CPQ: variants seen among roughly 807,000 people sequenced by gnomAD.
CPQ encodes carboxypeptidase Q.
CPQ carries 37 observed loss-of-function variants against 45.7 expected under a neutral mutation model. That is an observed-to-expected ratio of 0.81 (90% CI 0.62 to 1.07). The LOEUF is 1.07. Ranked by LOEUF, CPQ falls within the 50% of genes least tolerant of loss-of-function variation. CPQ has a pLI of 0.00. For missense variants in CPQ, 537 were observed against 572.9 expected (o/e 0.94, Z 0.64); for synonymous variants, 186 against 205.8 (o/e 0.90, Z 0.82).
At chr8:96,983,126 A>G (rs1467014386) in intron 5 of CPQ, among the ~76,000 whole-genome samples, 1 of 151,990 alleles carries the variant, frequency 6.6e-6, no homozygotes, top group East Asian at 1.9e-4. Flanking sequence ...ATTGTTTTAA[A>G]CTCACTCTAG....
At chr8:96,951,762 T>C (rs1484864827) in intron 4 of CPQ, among the ~76,000 whole-genome samples, 1 of 152,102 alleles carries the variant, frequency 6.6e-6, no homozygotes, top group Non-Finnish European at 1.5e-5. Flanking sequence ...TGGCAGTGCA[T>C]AGTACCCTAA....
intron 4 of CPQ, among the ~76,000 whole-genome samples, chr8:96,965,065 A>G (rs939688747): frequency 3.3e-5 from 5 of 152,280 alleles, no homozygotes; most frequent in African/African-American, 9.6e-5. Context: ...TAATTTCTAG[A>G]TTTATTTAAT....
chr8:97,001,125 T>A (rs1434583993), intron 5 of CPQ, among the ~76,000 whole-genome samples: 1 of 152,162 alleles, frequency 6.6e-6, no homozygotes, highest in Non-Finnish European at 1.5e-5. Flanking sequence ...CTTATCAGCT[T>A]AAGAAGCTTT....
intron 6 of CPQ, among the ~76,000 whole-genome samples, chr8:97,053,783 C>A (rs890135810): frequency 3.3e-5 from 5 of 152,056 alleles, no homozygotes; most frequent in Admixed American, 6.5e-5. Context: ...AAAGGGGAAC[C>A]AGAATGGAAG....
intron 1 of CPQ, among the ~76,000 whole-genome samples, chr8:96,701,035 A>G (rs1465362490): frequency 2.6e-5 from 4 of 152,222 alleles, no homozygotes; most frequent in Non-Finnish European, 5.9e-5. Context: ...TCAATGTAGG[A>G]CAGCTGTCAG....
At chr8:97,026,130 T>C (rs1389542306) in intron 5 of CPQ, among the ~76,000 whole-genome samples, 1 of 152,200 alleles carries the variant, frequency 6.6e-6, no homozygotes, top group African/African-American at 2.4e-5. Flanking sequence ...CTGAGGACCA[T>C]GTGTCTCACC....
chr8:96,693,608 A>G (rs1172256313), intron 1 of CPQ, among the ~76,000 whole-genome samples: 1 of 152,220 alleles, frequency 6.6e-6, no homozygotes. Flanking sequence ...TAGTATATCC[A>G]GCAAAAATAT....
At chr8:96,830,670 T>G (rs1048362739) in intron 2 of CPQ, among the ~76,000 whole-genome samples, 1 of 152,112 alleles carries the variant, frequency 6.6e-6, no homozygotes, top group Admixed American at 6.6e-5. Context: ...TAACCGAGTC[T>G]GATGACTCCT....
At chr8:96,814,475 T>C (rs973767912) in intron 2 of CPQ, among the ~76,000 whole-genome samples, 5 of 152,212 alleles carry the variant, frequency 3.3e-5, no homozygotes, top group African/African-American at 1.2e-4. Flanking sequence ...TCAGGCTACA[T>C]TGAAGAAAGC....
chr8:97,034,070 T>G (rs1242157299), intron 6 of CPQ, among the ~76,000 whole-genome samples: 1 of 152,150 alleles, frequency 6.6e-6, no homozygotes, highest in African/African-American at 2.4e-5. Context: ...TTTACTAAAT[T>G]TACTAAACAA....
rs1397772254 is a variant in CPQ at position 97,060,704 on chromosome 8, G to C, written c.1054-5305G>C. On this transcript the variant is annotated intron_variant, in intron 6 of 7. Coordinates refer to ENST00000220763, the MANE Select transcript of CPQ (RefSeq NM_016134.4). Reference sequence around the variant, plus strand: ...TTCTTCCTACACCCTATAAACAAGAGGATGAATATCTTGTTACATGTGCTA... The same window carrying C: ...TTCTTCCTACACCCTATAAACAAGACGATGAATATCTTGTTACATGTGCTA... 2.6e-5 allele frequency among the ~76,000 whole-genome samples: 4 copies of C among 152,096 alleles called. 1 individual carries two copies. Among genetic ancestry groups the C allele is most frequent in the Non-Finnish European group, 5.9e-5 (4 of 68,010 alleles).
intron 4 of CPQ, among the ~76,000 whole-genome samples, chr8:96,922,324 A>G (rs1445725811): frequency 6.6e-6 from 1 of 152,222 alleles, no homozygotes; most frequent in African/African-American, 2.4e-5. Flanking sequence ...TGACATAAGT[A>G]GAGGGTTTGG....
chr8:96,733,528 A>G (rs528585887), intron 1 of CPQ, among the ~76,000 whole-genome samples: 19 of 152,362 alleles, frequency 1.2e-4, no homozygotes, highest in African/African-American at 3.8e-4. Context: ...AATAGTGAAT[A>G]CATGGTTCAG....
chr8:96,708,778 A>G (rs373887320), intron 1 of CPQ, among the ~76,000 whole-genome samples: 2 of 152,222 alleles, frequency 1.3e-5, no homozygotes, highest in East Asian at 3.9e-4. Flanking sequence ...GACTTTTGGA[A>G]CAATGTTAAC....
At chr8:97,021,435 G>C (rs959292806) in intron 5 of CPQ, among the ~76,000 whole-genome samples, 9 of 151,838 alleles carry the variant, frequency 5.9e-5, no homozygotes, top group African/African-American at 1.7e-4. Context: ...GTCTGCTGAT[G>C]ATATGATTGT....
intron 7 of CPQ, among the ~76,000 whole-genome samples, chr8:97,112,361 C>T (rs1811512478): frequency 1.3e-5 from 2 of 152,078 alleles, no homozygotes; most frequent in African/African-American, 4.8e-5. Flanking sequence ...AGAGGCCAAG[C>T]TCAGGACATC....
chr8:96,800,595 A>G (rs546466861), intron 2 of CPQ, among the ~76,000 whole-genome samples: 120 of 152,316 alleles, frequency 7.9e-4, no homozygotes, highest in African/African-American at 2.8e-3. Flanking sequence ...ATAAAATATG[A>G]TGGATGGCCC....
intron 5 of CPQ, among the ~76,000 whole-genome samples, chr8:97,004,972 T>TA (rs1809355196): frequency 6.6e-6 from 1 of 152,188 alleles, no homozygotes; most frequent in South Asian, 2.1e-4. Flanking sequence ...AAAATTTTTT[T>TA]ATGAAGAAAA....
At chr8:97,083,192 C>G (rs759868545) in intron 7 of CPQ, among the ~76,000 whole-genome samples, 2 of 152,176 alleles carry the variant, frequency 1.3e-5, no homozygotes, top group Non-Finnish European at 2.9e-5. Context: ...CAATTACACT[C>G]TGTACAGTTG....
Sources: gnomAD v4.1 joint callset for allele counts (sites outside exome capture counted in the v4.1 genomes callset) on GRCh38, gnomAD v4.1.1 for gene constraint, MANE v1.5 for transcripts, NCBI Gene and HGNC (gene_info 2026-07-23, HGNC 2026-07-21) for gene names.